Variants in LRRC4C observed in about 807,000 individuals in gnomAD.
LRRC4C encodes the protein leucine-rich repeat-containing protein 4C.
In LRRC4C, 5 loss-of-function variants were observed where a neutral mutation model predicts 33.6. The ratio of observed to expected loss-of-function variants is 0.15; its 90% CI spans 0.08 to 0.31. LRRC4C has a LOEUF of 0.31. LRRC4C is among the 10% of genes least tolerant of loss of function. LRRC4C has a pLI of 1.00. For missense variants in LRRC4C, 560 were observed against 796.7 expected, an observed-to-expected ratio of 0.70 and a Z score of 3.58; for synonymous variants, 329 against 302.0, an observed-to-expected ratio of 1.09 and a Z score of -0.93.
chr11:40,770,997 C>T (rs1186552084), intron 2 of LRRC4C, among the ~76,000 whole-genome samples: 1 of 152,196 alleles, frequency 6.6e-6, no homozygotes, highest in African/African-American at 2.4e-5. Flanking sequence ...GTTCTAGGAT[C>T]TGGAGAATGG....
intron 1 of LRRC4C, among the ~76,000 whole-genome samples, chr11:41,107,063 T>C (rs888120703): frequency 1.3e-5 from 2 of 151,170 alleles, no homozygotes; most frequent in Non-Finnish European, 3.0e-5. Flanking sequence ...TTTTGATTTT[T>C]TTTTTTTTTT....
At chr11:40,953,261 GA>G (rs1348234205) in intron 1 of LRRC4C, among the ~76,000 whole-genome samples, 2 of 151,884 alleles carry the variant, frequency 1.3e-5, no homozygotes, top group Non-Finnish European at 2.9e-5. Context: ...TCGATCTGCA[GA>G]TTCCAGAGGC....
At chr11:40,353,793 T>G (rs940748314) in intron 3 of LRRC4C, among the ~76,000 whole-genome samples, 7 of 152,228 alleles carry the variant, frequency 4.6e-5, no homozygotes, top group Admixed American at 2.0e-4. Flanking sequence ...CCAATTTTAT[T>G]GTGCTTCCTC....
intron 2 of LRRC4C, among the ~76,000 whole-genome samples, chr11:40,818,549 C>A (rs921708586): frequency 1.3e-5 from 2 of 151,934 alleles, no homozygotes; most frequent in African/African-American, 4.8e-5. Flanking sequence ...TAGGTTAACT[C>A]CTTTCTCCTA....
chr11:41,345,356 AC>A (rs1260943963), intron 1 of LRRC4C, among the ~76,000 whole-genome samples: 3 of 152,204 alleles, frequency 2.0e-5, no homozygotes, highest in African/African-American at 7.2e-5. Flanking sequence ...TGTATTCTGT[AC>A]TGTATTTTAA....
At chr11:40,464,024 C>T (rs781121185) in intron 3 of LRRC4C, among the ~76,000 whole-genome samples, 1 of 151,954 alleles carries the variant, frequency 6.6e-6, no homozygotes, top group Non-Finnish European at 1.5e-5. Context: ...AGCAAGCACA[C>T]AACAACAACA....
intron 2 of LRRC4C, among the ~76,000 whole-genome samples, chr11:40,882,696 G>A (rs920922356): frequency 6.6e-6 from 1 of 151,926 alleles, no homozygotes; most frequent in Non-Finnish European, 1.5e-5. Context: ...AACATTTATT[G>A]CTATTTTAGG....
Position 40,912,180 on chromosome 11 carries a change from C to A in LRRC4C, c.-407+21455G>T, listed in dbSNP as rs1956729178. Among the ~76,000 whole-genome samples the A allele has an allele frequency of 2.6e-5, 4 of 152,212 alleles. No homozygotes were observed. In the South Asian group the frequency reaches 8.3e-4, roughly 32 times the overall value. On this transcript the variant is annotated intron_variant, in intron 2 of 6. Coordinates refer to ENST00000528697, the MANE Select transcript of LRRC4C (RefSeq NM_001258419.2). ...AGCAAGGCAGGCCAACGTTCAAATTCAGGAAATACAGAGAATGCCACAAAG... is the reference window on the plus strand; with the variant it reads ...AGCAAGGCAGGCCAACGTTCAAATTAAGGAAATACAGAGAATGCCACAAAG...
At chr11:40,473,834 A>G (rs996447036) in intron 3 of LRRC4C, among the ~76,000 whole-genome samples, 1 of 152,218 alleles carries the variant, frequency 6.6e-6, no homozygotes, top group African/African-American at 2.4e-5. Context: ...CCAAATCATG[A>G]GTGAACTCCC....
rs183963994 is a variant in LRRC4C at position 41,231,869 on chromosome 11, A to G, written c.-496+227562T>C. On this transcript the variant is annotated intron_variant, in intron 1 of 6. Coordinates refer to ENST00000528697, the MANE Select transcript of LRRC4C (RefSeq NM_001258419.2). ...CATATAGAAAGAGTAACTAGTCCAT[A>G]CTTTTGAATCCATGGGTCTTTTTAG... Among the ~76,000 whole-genome samples the G allele has an allele frequency of 1.1e-3, 165 of 151,956 alleles. 1 individual carries two copies. Among genetic ancestry groups the G allele is most frequent in the African/African-American group, 3.8e-3 (159 of 41,452 alleles).
intron 2 of LRRC4C, among the ~76,000 whole-genome samples, chr11:40,859,853 G>C (rs892031759): frequency 2.0e-4 from 30 of 152,082 alleles, no homozygotes; most frequent in Admixed American, 4.6e-4. Context: ...GAGGCGGGCG[G>C]ATCGCGAGGT....
intron 1 of LRRC4C, among the ~76,000 whole-genome samples, chr11:41,153,517 G>T (rs1252670265): frequency 6.6e-6 from 1 of 152,072 alleles, no homozygotes; most frequent in African/African-American, 2.4e-5. Context: ...AATATATGAG[G>T]GTTTTGGAAT....
chr11:40,837,790 C>T (rs1952738463), intron 2 of LRRC4C, among the ~76,000 whole-genome samples: 1 of 151,362 alleles, frequency 6.6e-6, no homozygotes, highest in Admixed American at 6.6e-5. Context: ...ATCCAGGCTG[C>T]AGTGAGCCAT....
chr11:40,856,835 A>G (rs915754134), intron 2 of LRRC4C, among the ~76,000 whole-genome samples: 20 of 152,194 alleles, frequency 1.3e-4, no homozygotes, highest in African/African-American at 4.3e-4. Flanking sequence ...AAAGCTGACA[A>G]TCACATTCTA....
At chr11:41,165,537 A>C (rs893692949) in intron 1 of LRRC4C, among the ~76,000 whole-genome samples, 1 of 152,134 alleles carries the variant, frequency 6.6e-6, no homozygotes, top group East Asian at 1.9e-4. Context: ...TACCACTTCA[A>C]GACAACCTGA....
intron 3 of LRRC4C, among the ~76,000 whole-genome samples, chr11:40,349,258 A>G (rs1947274178): frequency 6.6e-6 from 1 of 152,100 alleles, no homozygotes; most frequent in Admixed American, 6.6e-5. Context: ...TCTACTCTCT[A>G]TCTCCATGAG....
intron 2 of LRRC4C, among the ~76,000 whole-genome samples, chr11:40,829,042 TC>T (rs1952290800): frequency 6.6e-6 from 1 of 151,964 alleles, no homozygotes; most frequent in South Asian, 2.1e-4. Context: ...ATTCAACACT[TC>T]CTGCTGTTCA....
intron 1 of LRRC4C, among the ~76,000 whole-genome samples, chr11:41,056,732 G>T (rs1858647019): frequency 6.6e-6 from 1 of 152,216 alleles, no homozygotes; most frequent in Admixed American, 6.5e-5. Flanking sequence ...ATACCAGTCA[G>T]AGTGGCTAAT....
At chr11:41,400,061 T>C (rs538353881) in intron 1 of LRRC4C, among the ~76,000 whole-genome samples, 5 of 152,036 alleles carry the variant, frequency 3.3e-5, no homozygotes, top group Admixed American at 6.6e-5. Flanking sequence ...GAAAGTCTCA[T>C]GCAAGAATTA....
Sources: gnomAD v4.1 joint callset for allele counts (sites outside exome capture counted in the v4.1 genomes callset) on GRCh38, gnomAD v4.1.1 for gene constraint, MANE v1.5 for transcripts, NCBI Gene and HGNC (gene_info 2026-07-23, HGNC 2026-07-21) for gene names.